Variants in DOCK1 observed in about 807,000 individuals in gnomAD.
DOCK1 encodes dedicator of cytokinesis 1.
In DOCK1, 138 loss-of-function variants were observed where a neutral mutation model predicts 262.7. That is an observed-to-expected ratio of 0.53 (90% CI 0.46 to 0.61). The LOEUF (loss-of-function observed/expected upper bound fraction) is 0.61. Ranked by LOEUF, DOCK1 falls within the 20% of genes least tolerant of loss-of-function variation. DOCK1 has a pLI of 0.00. For synonymous variants in DOCK1, 866 were observed against 867.4 expected, an observed-to-expected ratio of 1.00 and a Z score of 0.03; for missense variants, 1,908 against 2,370.7, an observed-to-expected ratio of 0.80 and a Z score of 4.05.
intron 27 of DOCK1, among the ~76,000 whole-genome samples, chr10:127,213,798 G>T (rs996491305): frequency 6.6e-6 from 1 of 152,274 alleles, no homozygotes; most frequent in Admixed American, 6.5e-5. Flanking sequence ...CCCTGTAGAC[G>T]TTTCTGCCTT....
Position 127,004,780 on chromosome 10 carries a change from G to GCC in DOCK1, c.986-3949_986-3948dup, listed in dbSNP as rs1477094845. ...CGGCCCCCTGCCCCGCCACCCCCCC[G>GCC]CCCCAAAAAAAAGAAAAAAGTCTTG... On this transcript the variant is annotated intron_variant, in intron 10 of 51. Coordinates refer to ENST00000623213, the MANE Select transcript of DOCK1 (RefSeq NM_001290223.2). Among the ~76,000 whole-genome samples, 229 of 51,264 alleles carry GCC rather than the reference G, an allele frequency of 4.5e-3. 13 individuals are homozygous for GCC. The highest frequency in any genetic ancestry group is 6.7e-3 in the Non-Finnish European group (190 of 28,172). 33.6% of individuals were successfully genotyped at this position (51,264 alleles called of 152,430 possible). A position where few individuals can be genotyped will look rare whatever the true frequency, so the allele number is the denominator to read the frequency against.
At chr10:127,409,959 AT>A (rs879679181) in intron 42 of DOCK1, among the ~76,000 whole-genome samples, 4 of 152,216 alleles carry the variant, frequency 2.6e-5, no homozygotes, top group Non-Finnish European at 4.4e-5. Flanking sequence ...TGTCAGTTGT[AT>A]CGCACCTGAC....
At chr10:127,190,401 A>G (rs904412819) in intron 27 of DOCK1, among the ~76,000 whole-genome samples, 6 of 152,156 alleles carry the variant, frequency 3.9e-5, no homozygotes, top group African/African-American at 1.4e-4. Context: ...TTCTTTCCCA[A>G]TCAGGATTCC....
intron 47 of DOCK1, among the ~76,000 whole-genome samples, chr10:127,429,378 T>G (rs1336035664): frequency 6.6e-6 from 1 of 152,078 alleles, no homozygotes; most frequent in Non-Finnish European, 1.5e-5. Context: ...TGTCCTTCCC[T>G]GAGAAATGTG....
chr10:127,214,016 A>AT (rs999499020), intron 27 of DOCK1, among the ~76,000 whole-genome samples: 6 of 151,476 alleles, frequency 4.0e-5, no homozygotes, highest in Admixed American at 6.6e-5. Flanking sequence ...ATTTTTTTGT[A>AT]TTTTTTTTCT....
chr10:127,271,097 A>T (rs1187209576), intron 29 of DOCK1, among the ~76,000 whole-genome samples: 1 of 151,926 alleles, frequency 6.6e-6, no homozygotes, highest in Non-Finnish European at 1.5e-5. Flanking sequence ...TGTGCTGTAG[A>T]TATCTTTCTC....
chr10:127,439,127 G>T lies in DOCK1; in HGVS notation c.5161G>T (p.Glu1721Ter), dbSNP rs1051019. 1.3e-6 allele frequency: 2 copies of T among 1,597,780 alleles called. No homozygotes were observed. The highest frequency in any genetic ancestry group is 8.5e-7 in the Non-Finnish European group (1 of 1,171,992). Reference protein sequence around the residue: ...LEKEKKDKKKEKRNSKHQEIF... With the variant: ...LEKEKKDKKK ...GAAGGAGAAGAAGGACAAGAAGAAG[G>T]AAAAAAGGAACAGCAAACATCAAGA... The change falls in exon 49 of 52, where the codon GAA (glutamate) becomes TAA (stop). Residue 1721 changes from glutamate (E) to a stop codon, truncating the protein, a stop_gained. Coordinates refer to ENST00000623213, the MANE Select transcript of DOCK1 (RefSeq NM_001290223.2). LOFTEE classifies it high-confidence loss of function.
intron 27 of DOCK1, among the ~76,000 whole-genome samples, chr10:127,238,582 C>T (rs1160338512): frequency 6.6e-6 from 1 of 152,110 alleles, no homozygotes; most frequent in Non-Finnish European, 1.5e-5. Flanking sequence ...TCTGTGTAGA[C>T]ACATGGATTT....
Position 127,362,141 on chromosome 10 carries a change from C to T in DOCK1, c.3361C>T (p.Arg1121Cys), listed in dbSNP as rs769248529. 99 of 1,613,698 alleles carry T rather than the reference C, an allele frequency of 6.1e-5. No individual in the cohort carries two copies. Among genetic ancestry groups the T allele is most frequent in the South Asian group, 2.7e-4 (25 of 91,052 alleles). Residue 1121 changes from arginine (R) to cysteine (C), a missense_variant, in exon 33 of 52, where the codon CGC (arginine) becomes TGC (cysteine). By Grantham distance (180) the Arg-to-Cys change is radical (BLOSUM62 -3). Transcript: ENST00000623213. Reference sequence around the variant, plus strand: ...GACATTAATTCCCGAGACGGAGCTGCGCAAAGCCACCATCCCCATCTTCTT... The same window carrying T: ...GACATTAATTCCCGAGACGGAGCTGTGCAAAGCCACCATCCCCATCTTCTT... ...EMTLIPETELRKATIPIFFDM... is the reference protein window; with the variant it reads ...EMTLIPETELCKATIPIFFDM...
chr10:127,222,595 T>C (rs1465407593), intron 27 of DOCK1, among the ~76,000 whole-genome samples: 3 of 151,946 alleles, frequency 2.0e-5, no homozygotes, highest in Non-Finnish European at 2.9e-5. Flanking sequence ...ACCTTTCTTT[T>C]TGGTCGACAT....
intron 10 of DOCK1, 70 bp downstream of exon 10, chr10:127,000,377 G>A: frequency 6.4e-7 from 1 of 1,572,324 alleles, no homozygotes; most frequent in Non-Finnish European, 8.7e-7. Context: ...AATCACTGTT[G>A]AATGTTGATT....
intron 43 of DOCK1, 110 bp from the exon 44 acceptor site, chr10:127,415,042 C>T: frequency 1.0e-6 from 1 of 990,398 alleles, no homozygotes; most frequent in Non-Finnish European, 1.5e-6. Context: ...CCCTGTCCTG[C>T]TGAAGGACCT....
intron 1 of DOCK1, among the ~76,000 whole-genome samples, chr10:126,920,480 C>T (rs35810109): frequency 0.19 from 28,642 of 152,162 alleles, 3,100 homozygotes; most frequent in East Asian, 0.36. Context: ...GGGTCTTGAT[C>T]ATCTGTAAAA....
In DOCK1 at chr10:127,031,775, A is replaced by G. The variant is rs761362983; in HGVS notation, c.1728+22A>G. 6 of 1,597,864 alleles carry G rather than the reference A, an allele frequency of 3.8e-6. No homozygotes were observed. In the South Asian group the frequency reaches 5.6e-5, roughly 15 times the overall value. The stretch of plus-strand genomic sequence containing the variant: ...TAAGGTATCTGGTTGCATTGGTGCA[A>G]TATTGCTGCTATAGACAGTTTCAGT... On this transcript the variant is annotated intron_variant, in intron 17 of 51. Transcript: ENST00000623213.
chr10:127,049,437 C>T (rs1235534272), intron 21 of DOCK1, among the ~76,000 whole-genome samples: 2 of 152,048 alleles, frequency 1.3e-5, no homozygotes, highest in East Asian at 1.9e-4. Context: ...AGTAGAATCT[C>T]GTGAACTTGG....
intron 38 of DOCK1, among the ~76,000 whole-genome samples, chr10:127,386,771 C>CA (rs2066147221): frequency 6.6e-6 from 1 of 152,150 alleles, no homozygotes; most frequent in South Asian, 2.1e-4. Flanking sequence ...AACCATCCCC[C>CA]ACCCCGGTCC....
intron 27 of DOCK1, among the ~76,000 whole-genome samples, chr10:127,171,975 G>T (rs2054614077): frequency 6.6e-6 from 1 of 152,204 alleles, no homozygotes; most frequent in Non-Finnish European, 1.5e-5. Context: ...AAAGTGCTGG[G>T]ATTACAGGCA....
chr10:126,906,774 C>T (rs2133980182), intron 1 of DOCK1, among the ~76,000 whole-genome samples: 1 of 152,308 alleles, frequency 6.6e-6, no homozygotes, highest in African/African-American at 2.4e-5. Context: ...GCTCTCCTTT[C>T]TGTGAACAGT....
chr10:127,172,906 T>A (rs895391429), intron 27 of DOCK1, among the ~76,000 whole-genome samples: 1 of 152,232 alleles, frequency 6.6e-6, no homozygotes, highest in Non-Finnish European at 1.5e-5. Flanking sequence ...TGTATGTGGC[T>A]ATCGAGCATT....
Sources: gnomAD v4.1 joint callset for allele counts (sites outside exome capture counted in the v4.1 genomes callset) on GRCh38, gnomAD v4.1.1 for gene constraint, MANE v1.5 for transcripts, NCBI Gene and HGNC (gene_info 2026-07-23, HGNC 2026-07-21) for gene names.